Variants in CNTN4 observed in about 807,000 individuals in gnomAD.
The protein encoded by CNTN4 is contactin-4.
Under a neutral mutation model 122.5 loss-of-function variants are expected in CNTN4, and 77 were observed. The observed-to-expected ratio is 0.63, with a 90% CI of 0.52 to 0.76. The LOEUF (loss-of-function observed/expected upper bound fraction) is 0.76, where lower values mean the gene tolerates loss of function less well. Among genes scored for constraint, CNTN4 ranks in the 30% least tolerant of loss-of-function variants. CNTN4 has a pLI of 0.00. For missense variants in CNTN4, 1,256 were observed against 1,259.1 expected, an observed-to-expected ratio of 1.00 and a Z score of 0.04; for synonymous variants, 512 against 447.0, an observed-to-expected ratio of 1.15 and a Z score of -1.83.
intron 2 of CNTN4, among the ~76,000 whole-genome samples, chr3:2,234,022 G>T (rs2039587276): frequency 6.6e-6 from 1 of 151,968 alleles, no homozygotes; most frequent in Non-Finnish European, 1.5e-5. Context: ...TCTCTGTTAG[G>T]TATCTAGTAA....
intron 14 of CNTN4, among the ~76,000 whole-genome samples, chr3:3,012,403 T>G (rs1697320404): frequency 6.6e-6 from 1 of 152,062 alleles, no homozygotes; most frequent in Non-Finnish European, 1.5e-5. Context: ...TGAGCACTTT[T>G]TATGTAGCAA....
chr3:2,150,425 G>T (rs1049871050), intron 2 of CNTN4, among the ~76,000 whole-genome samples: 1 of 151,790 alleles, frequency 6.6e-6, no homozygotes, highest in African/African-American at 2.4e-5. Context: ...CAATTTTTTT[G>T]GATATTTGAA....
intron 4 of CNTN4, among the ~76,000 whole-genome samples, chr3:2,730,196 G>A (rs538899535): frequency 1.3e-4 from 20 of 152,270 alleles, no homozygotes; most frequent in Admixed American, 9.8e-4. Context: ...TGACACCCAA[G>A]TCTAAACATG....
intron 3 of CNTN4, among the ~76,000 whole-genome samples, chr3:2,439,373 G>C (rs1418323797): frequency 6.6e-6 from 1 of 152,040 alleles, no homozygotes; most frequent in Admixed American, 6.5e-5. Context: ...TTGTTCTGTT[G>C]GATCTGGCAA....
At chr3:3,039,229 T>C in intron 19 of CNTN4, 1 of 524,442 alleles carries the variant, frequency 1.9e-6, no homozygotes, top group Non-Finnish European at 3.4e-6. Flanking sequence ...TAAAAACAAT[T>C]ATGAAGGGAA....
chr3:2,209,053 A>G (rs1277174914), intron 2 of CNTN4, among the ~76,000 whole-genome samples: 1 of 152,178 alleles, frequency 6.6e-6, no homozygotes, highest in Non-Finnish European at 1.5e-5. Context: ...TCTGAAGTGT[A>G]TTCCTGTAGC....
At chr3:2,830,672 G>A (rs1193323150) in intron 7 of CNTN4, among the ~76,000 whole-genome samples, 5 of 152,310 alleles carry the variant, frequency 3.3e-5, no homozygotes, top group Non-Finnish European at 5.9e-5. Context: ...CTGGCTGAGC[G>A]TTTCATAAAT....
intron 6 of CNTN4, 55 bp downstream of exon 6, chr3:2,745,752 T>C: frequency 6.7e-7 from 1 of 1,500,368 alleles, no homozygotes; most frequent in East Asian, 2.3e-5. Flanking sequence ...TGTACCATTA[T>C]ACCAATAAGC....
chr3:2,359,185 A>G (rs551538352), intron 3 of CNTN4, among the ~76,000 whole-genome samples: 3 of 152,336 alleles, frequency 2.0e-5, no homozygotes, highest in African/African-American at 7.2e-5. Context: ...CGATGCCCCA[A>G]AGATACATCT....
At chr3:2,837,227 G>A (rs965040371) in intron 7 of CNTN4, among the ~76,000 whole-genome samples, 5 of 152,214 alleles carry the variant, frequency 3.3e-5, no homozygotes, top group South Asian at 2.1e-4. Context: ...CTAGCCTTTC[G>A]GGGAGGAAGA....
intron 2 of CNTN4, among the ~76,000 whole-genome samples, chr3:2,122,371 A>C (rs1180722993): frequency 6.6e-6 from 1 of 152,266 alleles, no homozygotes; most frequent in South Asian, 2.1e-4. Flanking sequence ...AAAAAATCTG[A>C]ATGCTTACTA....
At chr3:2,942,037 A>T (rs1446238898) in intron 13 of CNTN4, among the ~76,000 whole-genome samples, 1 of 152,112 alleles carries the variant, frequency 6.6e-6, no homozygotes, top group African/African-American at 2.4e-5. Flanking sequence ...GTTGACTGTT[A>T]TCTGCCTTCC....
At chr3:2,701,411 A>C (rs1033621315) in intron 4 of CNTN4, among the ~76,000 whole-genome samples, 17 of 152,204 alleles carry the variant, frequency 1.1e-4, no homozygotes, top group Non-Finnish European at 1.0e-4. Flanking sequence ...ATAACAGCAC[A>C]CAAAGTGGTG....
chr3:2,656,924 ATT>A (rs2083616238), intron 4 of CNTN4, among the ~76,000 whole-genome samples: 1 of 152,304 alleles, frequency 6.6e-6, no homozygotes, highest in East Asian at 1.9e-4. Flanking sequence ...CTGGTCAGAT[ATT>A]TTCAAACTCA....
intron 5 of CNTN4, among the ~76,000 whole-genome samples, chr3:2,738,455 C>A (rs1347353735): frequency 6.6e-6 from 1 of 152,032 alleles, no homozygotes; most frequent in Non-Finnish European, 1.5e-5. Context: ...CTCCAGCAGA[C>A]CCTCACTAAA....
chr3:2,592,424 C>T (rs1181002434), intron 4 of CNTN4, among the ~76,000 whole-genome samples: 1 of 152,178 alleles, frequency 6.6e-6, no homozygotes, highest in Non-Finnish European at 1.5e-5. Flanking sequence ...TGTGTCCCCA[C>T]CCAAATCTCA....
At chr3:2,473,285 G>C (rs530117645) in intron 3 of CNTN4, among the ~76,000 whole-genome samples, 90 of 149,240 alleles carry the variant, frequency 6.0e-4, no homozygotes, top group South Asian at 2.1e-3. Flanking sequence ...GCTGTACTAC[G>C]ATAGCATCTT....
intron 13 of CNTN4, among the ~76,000 whole-genome samples, chr3:2,961,811 C>T (rs2094862689): frequency 6.6e-6 from 1 of 152,166 alleles, no homozygotes; most frequent in South Asian, 2.1e-4. Context: ...GAAAACAAAG[C>T]CATCCATTTA....
At chr3:2,213,625 T>C (rs1022196538) in intron 2 of CNTN4, among the ~76,000 whole-genome samples, 2 of 152,166 alleles carry the variant, frequency 1.3e-5, no homozygotes, top group African/African-American at 4.8e-5. Flanking sequence ...TAAGGGTTTC[T>C]CTTGCCAACA....
Sources: gnomAD v4.1 joint callset for allele counts (sites outside exome capture counted in the v4.1 genomes callset) on GRCh38, gnomAD v4.1.1 for gene constraint, MANE v1.5 for transcripts, NCBI Gene and HGNC (gene_info 2026-07-23, HGNC 2026-07-21) for gene names.